The following KIF1A variants were observed in gnomAD, a reference collection of about 807,000 sequenced individuals.
KIF1A encodes the protein kinesin family member 1A.
KIF1A carries 46 observed loss-of-function variants against 227.3 expected under a neutral mutation model. That is an observed-to-expected ratio of 0.20 (90% CI 0.16 to 0.26). KIF1A has a LOEUF of 0.26. Ranked by LOEUF, KIF1A falls within the 10% of genes least tolerant of loss-of-function variation. The pLI, the probability that KIF1A is intolerant of heterozygous loss-of-function variation, is 1.00. For synonymous variants in KIF1A, 1,022 were observed against 1,012.8 expected (o/e 1.01, Z -0.17); for missense variants, 1,683 against 2,485.9 (o/e 0.68, Z 6.87).
At chr2:240,744,155 C>T (rs1236394017) in intron 32 of KIF1A, 95 bp from the exon 33 acceptor site, 1 of 861,294 alleles carries the variant, frequency 1.2e-6, no homozygotes, top group African/African-American at 1.7e-5. Flanking sequence ...GCTTCAGGCC[C>T]AGATCTGGGA....
intron 35 of KIF1A, 151 bp downstream of exon 35, chr2:240,741,118 T>A (rs1415208137): frequency 3.4e-6 from 2 of 594,844 alleles, no homozygotes; most frequent in African/African-American, 3.7e-5. Flanking sequence ...AAGACCTAGA[T>A]GAGGCCGGGC....
chr2:240,787,611 GT>G (rs1178858391), intron 4 of KIF1A, among the ~76,000 whole-genome samples: 47 of 152,166 alleles, frequency 3.1e-4, no homozygotes, highest in Non-Finnish European at 1.5e-4. Flanking sequence ...CAAAGTACTA[GT>G]GACCAACTCA....
Position 240,717,146 on chromosome 2 carries a change from G to C in KIF1A, c.*218C>G. On this transcript the variant is annotated 3_prime_UTR_variant, in exon 49 of 49. Coordinates refer to ENST00000498729, the MANE Select transcript of KIF1A (RefSeq NM_001244008.2). ...CAGCCTCTCCCAACTTGTTCCACCA[G>C]AGCACATTCTGCAAGAAGAACTGAC... 2.0e-6 allele frequency: 1 copy of C among 508,388 alleles called. No homozygotes were observed. The highest frequency in any genetic ancestry group is 3.5e-6 in the Non-Finnish European group (1 of 285,956). The allele number at this position is 508,388 out of a possible 1,614,324, so 31.5% of individuals were successfully genotyped here.
At chr2:240,719,494 C>T (rs1043652847) in intron 46 of KIF1A, among the ~76,000 whole-genome samples, 2 of 152,244 alleles carry the variant, frequency 1.3e-5, no homozygotes, top group Non-Finnish European at 2.9e-5. Flanking sequence ...AGTTCCCCAC[C>T]TGGGCCTTGG....
At position 240,767,401 on chromosome 2, in the gene KIF1A, G is replaced by A. The variant is rs57483401; in HGVS notation, c.1498-56C>T. On this transcript the variant is annotated intron_variant, in intron 17 of 48. Transcript: ENST00000498729. The stretch of plus-strand genomic sequence containing the variant: ...GCAGAGGGGCAGGAGCCTGATGCTG[G>A]CCACACCCCCCTCCAACCTCTCTCC... 2.3e-4 allele frequency: 326 copies of A among 1,417,370 alleles called. 1 individual carries two copies. In the African/African-American group the frequency reaches 4.1e-3, roughly 18 times the overall value. 87.8% of individuals were successfully genotyped at this position (1,417,370 alleles called of 1,614,324 possible).
At chr2:240,808,876 G>A (rs1209419710) in intron 1 of KIF1A, among the ~76,000 whole-genome samples, 2 of 151,852 alleles carry the variant, frequency 1.3e-5, no homozygotes, top group African/African-American at 2.4e-5. Flanking sequence ...GATTACAGGC[G>A]CCCACCACCA....
At chr2:240,800,087 C>T (rs2056824461) in intron 1 of KIF1A, among the ~76,000 whole-genome samples, 1 of 149,154 alleles carries the variant, frequency 6.7e-6, no homozygotes, top group African/African-American at 2.5e-5. Flanking sequence ...CGTGAACAGA[C>T]TAAGCATGTC....
intron 5 of KIF1A, 118 bp downstream of exon 5, chr2:240,787,133 G>C (rs1040607075): frequency 1.2e-4 from 96 of 816,138 alleles, no homozygotes; most frequent in Non-Finnish European, 1.8e-4. Context: ...GGATGAGTGA[G>C]GGACAAGCTG....
chr2:240,791,228 C>T (rs939492191), intron 2 of KIF1A, among the ~76,000 whole-genome samples: 1 of 152,156 alleles, frequency 6.6e-6, no homozygotes, highest in African/African-American at 2.4e-5. Flanking sequence ...GACCCAACAG[C>T]ACCCGTGGCG....
chr2:240,780,671 C>A (rs57816194), intron 10 of KIF1A, among the ~76,000 whole-genome samples: 2 of 151,792 alleles, frequency 1.3e-5, no homozygotes, highest in African/African-American at 2.4e-5. Flanking sequence ...GGGTTCCCAC[C>A]ACGGTTCCTG....
intron 34 of KIF1A, among the ~76,000 whole-genome samples, chr2:240,741,904 A>C (rs886842539): frequency 6.6e-6 from 1 of 152,122 alleles, no homozygotes; most frequent in Non-Finnish European, 1.5e-5. Context: ...CTCTGTCCTC[A>C]CATCCTTCAC....
chr2:240,742,676 G>A lies in KIF1A; in HGVS notation c.3640+253C>T, dbSNP rs576829969. Among the ~76,000 whole-genome samples the A allele has an allele frequency of 5.9e-5, 9 of 152,184 alleles. No individual in the cohort carries two copies. The East Asian group carries it at 1.5e-3, about 26-fold the overall frequency. ...TGCCTGAAGTCCCCTCAAAGCCCCC[G>A]ACCCTCTTGCTGCCTTCCTTCCTTG... On this transcript the variant is annotated intron_variant, in intron 34 of 48. Coordinates refer to ENST00000498729, the MANE Select transcript of KIF1A (RefSeq NM_001244008.2).
Position 240,740,352 on chromosome 2 carries a change from G to C in KIF1A, c.3762C>G (p.Ala1254=). The part of the protein sequence containing the change: ...ELEANGDYIP[A]VVDHRGGMPC... Reference sequence around the variant, plus strand: ...GCATGCCCCCACGGTGGTCCACCACGGCCGGGATGTAACTGGAAGAGAGAG... The same window carrying C: ...GCATGCCCCCACGGTGGTCCACCACCGCCGGGATGTAACTGGAAGAGAGAG... The change falls in exon 36 of 49, where the codon GCC becomes GCG. Residue 1254 remains alanine (A), a synonymous_variant. Transcript: ENST00000498729. The surrounding 1 kb of genome is among the most constrained non-coding windows in gnomAD (Gnocchi z 6.1). 1 of 1,613,634 alleles carries C rather than the reference G, an allele frequency of 6.2e-7. No individual in the cohort carries two copies. The highest frequency in any genetic ancestry group is 8.5e-7 in the Non-Finnish European group (1 of 1,179,724).
chr2:240,743,038 C>T, intron 33 of KIF1A, 54 bp from the exon 34 acceptor site: 2 of 1,354,294 alleles, frequency 1.5e-6, no homozygotes, highest in South Asian at 1.4e-5. Flanking sequence ...CGGGAGGGGT[C>T]AGAAGGAGAC....
chr2:240,726,250 C>T lies in KIF1A; in HGVS notation c.4122+576G>A, dbSNP rs1312819821. Among the ~76,000 whole-genome samples, 2 of 152,198 alleles carry T rather than the reference C, an allele frequency of 1.3e-5. No individual in the cohort carries two copies. Among genetic ancestry groups the T allele is most frequent in the Non-Finnish European group, 2.9e-5 (2 of 68,030 alleles). ...GCAGACACAATGTCTGGTGGTGCTG[C>T]AGCCATCTTGCATCCCAAGGACAAC... On this transcript the variant is annotated intron_variant, in intron 39 of 48. Coordinates refer to ENST00000498729, the MANE Select transcript of KIF1A (RefSeq NM_001244008.2). The surrounding 1 kb of genome is among the most constrained non-coding windows in gnomAD (Gnocchi z 5.2).
chr2:240,809,958 C>G (rs2057735530), intron 1 of KIF1A, among the ~76,000 whole-genome samples: 1 of 151,784 alleles, frequency 6.6e-6, no homozygotes, highest in Non-Finnish European at 1.5e-5. Context: ...TGCCATCACA[C>G]CTATTTTTAT....
intron 32 of KIF1A, 112 bp from the exon 33 acceptor site, chr2:240,744,172 G>C: frequency 1.3e-6 from 1 of 760,184 alleles, no homozygotes; most frequent in South Asian, 1.6e-5. Flanking sequence ...GGGACCCCTA[G>C]CTGGGCCCAC....
At chr2:240,797,972 T>G in intron 1 of KIF1A, 160 bp from the exon 2 acceptor site, 2 of 486,458 alleles carry the variant, frequency 4.1e-6, no homozygotes, top group Non-Finnish European at 7.3e-6. Flanking sequence ...GCAGCGCAGA[T>G]AATTCTAGAA....
At chr2:240,763,474 C>T (rs1245721845) in intron 20 of KIF1A, 128 bp from the exon 21 acceptor site, 5 of 874,454 alleles carry the variant, frequency 5.7e-6, no homozygotes, top group Non-Finnish European at 6.9e-6. Context: ...CTCCCAGCCA[C>T]TCCTTCTTCA....
Sources: allele counts gnomAD v4.1 joint callset (sites outside exome capture counted in the v4.1 genomes callset), GRCh38; gene constraint gnomAD v4.1.1; non-coding constraint Gnocchi (gnomAD v3.1); transcripts MANE v1.5; gene names NCBI Gene and HGNC (gene_info 2026-07-23, HGNC 2026-07-21).